CFAP157: variants seen among roughly 807,000 people sequenced by gnomAD.
CFAP157 encodes the protein cilia and flagella associated protein 157, also known as cilia- and flagella-associated protein 157.
CFAP157 carries 43 observed loss-of-function variants against 57.8 expected under a neutral mutation model. The ratio of observed to expected loss-of-function variants is 0.74; its 90% CI spans 0.58 to 0.96. The LOEUF (loss-of-function observed/expected upper bound fraction) is 0.96, where lower values mean the gene tolerates loss of function less well. CFAP157 is among the 40% of genes least tolerant of loss of function. The pLI is 0.00. For synonymous variants in CFAP157, 267 were observed against 269.0 expected, an observed-to-expected ratio of 0.99 and a Z score of 0.07; for missense variants, 606 against 655.3, an observed-to-expected ratio of 0.92 and a Z score of 0.82.
chr9:127,711,776 G>A, intron 4 of CFAP157, 44 bp from the exon 5 acceptor site: 4 of 1,539,562 alleles, frequency 2.6e-6, no homozygotes, highest in Non-Finnish European at 1.8e-6. Flanking sequence ...TGCAGCTGGG[G>A]GACAGGGCAG....
chr9:127,715,703 G>C lies in CFAP157; in HGVS notation c.*1798G>C. The C allele has an allele frequency of 6.4e-7, 1 of 1,572,710 alleles. No individual in the cohort carries two copies. On this transcript the variant is annotated 3_prime_UTR_variant, in exon 9 of 9. Transcript: ENST00000373295. The surrounding 1 kb of genome is among the most constrained non-coding windows in gnomAD (Gnocchi z 5.8). ...TCACCCCGCAGCAGCCAATCGTGTT[G>C]CCAACTGTTTGGCGTCCACCGCCAA... is the stretch of plus-strand genomic sequence containing the variant.
Position 127,712,806 on chromosome 9 carries a change from T to C in CFAP157, c.1235T>C (p.Val412Ala), listed in dbSNP as rs1842798510. Residue 412 changes from valine (V) to alanine (A), a missense_variant, in exon 7 of 9, where the codon GTG becomes GCG. Transcript: ENST00000373295. ...CTGCTGGTCATGCTCAGCTCCACTG[T>C]GGCCACGAGACCTCAGAAGGCTGCG... ...QQLLVMLSST[V>A]ATRPQKAACP... 1 of 1,614,176 alleles carries C rather than the reference T, an allele frequency of 6.2e-7. No homozygotes were observed. Among genetic ancestry groups the C allele is most frequent in the African/African-American group, 1.3e-5 (1 of 75,052 alleles).
Position 127,709,342 on chromosome 9 carries a change from C to A in CFAP157, c.162-80C>A. ...AATGCCCCTTTACGGGACAGGGAGTCCAGGAGAGTGGGCCCAGCTGCACCA... is the reference window on the plus strand; with the variant it reads ...AATGCCCCTTTACGGGACAGGGAGTACAGGAGAGTGGGCCCAGCTGCACCA... On this transcript the variant is annotated intron_variant, in intron 1 of 8. Coordinates refer to ENST00000373295, the MANE Select transcript of CFAP157 (RefSeq NM_001012502.3). This position sits in a 1 kb window ranked among gnomAD's most constrained non-coding sequence, Gnocchi z 4.7. The A allele has an allele frequency of 6.8e-7, 1 of 1,460,646 alleles. No individual in the cohort carries two copies. The highest frequency in any genetic ancestry group is 1.3e-5 in the South Asian group (1 of 77,994). 90.5% of individuals were successfully genotyped at this position (1,460,646 alleles called of 1,614,324 possible). A position where few individuals can be genotyped will look rare whatever the true frequency, so the allele number is the denominator to read the frequency against.
chr9:127,713,275 C>CA, intron 8 of CFAP157, 69 bp downstream of exon 8: 3 of 1,179,956 alleles, frequency 2.5e-6, no homozygotes, highest in Non-Finnish European at 2.4e-6. Flanking sequence ...GAGGCTCTGC[C>CA]AGGCCACAGC....
Position 127,711,864 on chromosome 9 carries a change from C to T in CFAP157, c.900C>T (p.Asp300=), listed in dbSNP as rs763746281. Residue 300 remains aspartate (D), a synonymous_variant, in exon 5 of 9, where the codon GAC becomes GAT. Coordinates refer to ENST00000373295, the MANE Select transcript of CFAP157 (RefSeq NM_001012502.3). ...LTKKCQEQQQ[D]TKEAEELRLL... is the part of the protein sequence containing the mutation. ...AGAAGTGCCAGGAGCAGCAGCAGGA[C>T]ACCAAGGAGGCCGAGGAGCTGCGCC... The T allele has an allele frequency of 3.2e-6, 5 of 1,583,936 alleles. No individual in the cohort carries two copies. The highest frequency in any genetic ancestry group is 4.3e-6 in the Non-Finnish European group (5 of 1,165,962).
Position 127,715,008 on chromosome 9 carries a change from T to G in CFAP157, c.*1103T>G. The G allele has an allele frequency of 1.5e-6, 2 of 1,316,448 alleles. No individual in the cohort carries two copies. Among genetic ancestry groups the G allele is most frequent in the Non-Finnish European group, 9.8e-7 (1 of 1,016,322 alleles). 81.5% of individuals were successfully genotyped at this position (1,316,448 alleles called of 1,614,324 possible). On this transcript the variant is annotated 3_prime_UTR_variant, in exon 9 of 9. Transcript: ENST00000373295. This position sits in a 1 kb window ranked among gnomAD's most constrained non-coding sequence, Gnocchi z 5.8. Reference sequence around the variant, plus strand: ...GCCACGCTGCGCCCGTTGGCGTTCATAAGCCGCCGTGGCCGGAGCAGGACC... The same window carrying G: ...GCCACGCTGCGCCCGTTGGCGTTCAGAAGCCGCCGTGGCCGGAGCAGGACC...
chr9:127,707,329 C>T (rs960413622), intron 1 of CFAP157, 137 bp downstream of exon 1: 23 of 869,594 alleles, frequency 2.6e-5, no homozygotes, highest in Non-Finnish European at 3.6e-5. Context: ...CATCCCGACC[C>T]CAGCCTCATT....
chr9:127,711,595 G>A (rs562847953), intron 4 of CFAP157, 99 bp downstream of exon 4: 4 of 1,456,516 alleles, frequency 2.7e-6, no homozygotes, highest in South Asian at 2.6e-5. Flanking sequence ...CAAGTCAGGA[G>A]GGAGGGAGGC....
Position 127,715,521 on chromosome 9 carries a change from C to A in CFAP157, c.*1616C>A. 1 of 1,613,162 alleles carries A rather than the reference C, an allele frequency of 6.2e-7. No homozygotes were observed. The highest frequency in any genetic ancestry group is 8.5e-7 in the Non-Finnish European group (1 of 1,179,964). On this transcript the variant is annotated 3_prime_UTR_variant, in exon 9 of 9. Transcript: ENST00000373295. The surrounding 1 kb of genome is among the most constrained non-coding windows in gnomAD (Gnocchi z 5.8). Reference sequence around the variant, plus strand: ...TGAAGCTAGGGACCGGGAGCCCCTACGTCGCCGCCCCACGCCACTCACCAT... The same window carrying A: ...TGAAGCTAGGGACCGGGAGCCCCTAAGTCGCCGCCCCACGCCACTCACCAT...
Position 127,707,041 on chromosome 9 carries a change from A to G in CFAP157, c.10A>G (p.Lys4Glu), listed in dbSNP as rs765972226. 5.6e-6 allele frequency: 9 copies of G among 1,613,586 alleles called. No homozygotes were observed. In the East Asian group the frequency reaches 2.0e-4, roughly 36 times the overall value. Residue 4 changes from lysine (K) to glutamate (E), a missense_variant, in exon 1 of 9, where the codon AAA (lysine) becomes GAA (glutamate). Physicochemically the swap from Lys to Glu is moderately conservative, Grantham distance 56 (BLOSUM62 1). Coordinates refer to ENST00000373295, the MANE Select transcript of CFAP157 (RefSeq NM_001012502.3). The stretch of plus-strand genomic sequence containing the variant: ...CTGGTTGCCATCAGCCATGGCTCCC[A>G]AAAAGAGTGTGAGCAAGGCAGGCAA... Reference protein sequence around the residue: MAPKKSVSKAGKEL... With the variant: MAPEKSVSKAGKEL...
chr9:127,710,277 T>C (rs1226699632), intron 2 of CFAP157, among the ~76,000 whole-genome samples: 2 of 140,770 alleles, frequency 1.4e-5, no homozygotes, highest in Non-Finnish European at 3.1e-5. Context: ...AGGAAGACCC[T>C]GTCTCAAAAA....
At chr9:127,712,971 G>A (rs1468215669) in intron 7 of CFAP157, 49 bp from the exon 8 acceptor site, 50 of 1,601,656 alleles carry the variant, frequency 3.1e-5, no homozygotes, top group Non-Finnish European at 4.3e-5. Flanking sequence ...CCCTGGGCCA[G>A]AAACCTGGCT....
chr9:127,713,355 G>A (rs1487244896), intron 8 of CFAP157, 149 bp downstream of exon 8: 13 of 654,044 alleles, frequency 2.0e-5, no homozygotes, highest in Non-Finnish European at 3.2e-5. Flanking sequence ...GAAGAAAGGA[G>A]TGGCCAAGCC....
At chr9:127,713,531 G>A (rs555228753) in intron 8 of CFAP157, 136 of 184,488 alleles carry the variant, frequency 7.4e-4, no homozygotes, top group African/African-American at 4.4e-3. Flanking sequence ...TTTTGAGACA[G>A]AGTCTCACTC....
chr9:127,714,671 G>A lies in CFAP157; in HGVS notation c.*766G>A, dbSNP rs1842880591. ...TGTCCAGCTCATCATGCACCAGGTA[G>A]ACTTCCTCGGCAGTCAGCCCAAACA... On this transcript the variant is annotated 3_prime_UTR_variant, in exon 9 of 9. Coordinates refer to ENST00000373295, the MANE Select transcript of CFAP157 (RefSeq NM_001012502.3). 1.9e-6 allele frequency: 3 copies of A among 1,613,620 alleles called. No homozygotes were observed. In the African/African-American group the frequency reaches 4.0e-5, roughly 22 times the overall value.
In CFAP157 at chr9:127,712,807, G is replaced by A; in HGVS notation, c.1236G>A (p.Val412=). The stretch of plus-strand genomic sequence containing the variant: ...TGCTGGTCATGCTCAGCTCCACTGT[G>A]GCCACGAGACCTCAGAAGGCTGCGT... The part of the protein sequence containing the change: ...QQLLVMLSST[V]ATRPQKAACP... Residue 412 remains valine (V), a synonymous_variant, in exon 7 of 9, where the codon GTG becomes GTA. Transcript: ENST00000373295. 1 of 1,614,168 alleles carries A rather than the reference G, an allele frequency of 6.2e-7. No homozygotes were observed. The highest frequency in any genetic ancestry group is 8.5e-7 in the Non-Finnish European group (1 of 1,180,010).
chr9:127,709,971 T>C lies in CFAP157; in HGVS notation c.433+278T>C, dbSNP rs891006301. 2.0e-5 allele frequency among the ~76,000 whole-genome samples: 3 copies of C among 152,070 alleles called. No individual in the cohort carries two copies. The highest frequency in any genetic ancestry group is 2.9e-5 in the Non-Finnish European group (2 of 68,006). On this transcript the variant is annotated intron_variant, in intron 2 of 8. Transcript: ENST00000373295. This position sits in a 1 kb window ranked among gnomAD's most constrained non-coding sequence, Gnocchi z 4.7. ...TGGCATTAGAACCTAGCCCAGAGAA[T>C]ATATACAGTCCAGCTGCTGGCTGGG...
Position 127,710,603 on chromosome 9 carries a change from G to A in CFAP157, c.436G>A (p.Gly146Arg). 1.3e-6 allele frequency: 2 copies of A among 1,580,950 alleles called. No individual in the cohort carries two copies. Among genetic ancestry groups the A allele is most frequent in the Non-Finnish European group, 1.7e-6 (2 of 1,163,148 alleles). Residue 146 changes from glycine to arginine, a missense_variant and splice_region_variant, in exon 3 of 9, where the codon GGG (glycine) becomes AGG (arginine). By Grantham distance (125) the Gly-to-Arg change is moderately radical. Transcript: ENST00000373295. ...GCCTTGTGCGCTGTGGCGGCCAGGG[G>A]GGAAGCTGGCAGCCCTGGAGGAGTT... The part of the protein sequence containing the change: ...QLTTENIILG[G>R]KLAALEEFRL...
At chr9:127,708,860 T>A (rs1344914793) in intron 1 of CFAP157, among the ~76,000 whole-genome samples, 1 of 152,190 alleles carries the variant, frequency 6.6e-6, no homozygotes, top group African/African-American at 2.4e-5. Context: ...GTAAGGGAGA[T>A]GCCAGGTACA....
Sources: gnomAD v4.1 joint callset for allele counts (sites outside exome capture counted in the v4.1 genomes callset) on GRCh38, gnomAD v4.1.1 for gene constraint, Gnocchi (gnomAD v3.1) non-coding constraint, MANE v1.5 for transcripts, NCBI Gene and HGNC (gene_info 2026-07-23, HGNC 2026-07-21) for gene names.